The following CDH12 variants were observed in gnomAD, a reference collection of about 807,000 sequenced individuals.
CDH12 encodes cadherin 12.
In CDH12, 41 loss-of-function variants were observed where a neutral mutation model predicts 74.1. That is an observed-to-expected ratio of 0.55 (90% CI 0.43 to 0.72). CDH12 has a LOEUF of 0.72. Among genes scored for constraint, CDH12 ranks in the 30% least tolerant of loss-of-function variants. CDH12 has a pLI of 0.00. For missense variants in CDH12, 945 were observed against 977.2 expected (o/e 0.97, Z 0.44); for synonymous variants, 399 against 355.0 (o/e 1.12, Z -1.39).
chr5:21,864,884 G>C (rs114780054), intron 6 of CDH12, among the ~76,000 whole-genome samples: 6 of 152,250 alleles, frequency 3.9e-5, no homozygotes, highest in East Asian at 1.9e-4. Context: ...GAGCAGTAAG[G>C]GTTGTTCTTA....
intron 1 of CDH12, among the ~76,000 whole-genome samples, chr5:22,810,014 A>G (rs1021857661): frequency 6.6e-6 from 1 of 152,118 alleles, no homozygotes; most frequent in African/African-American, 2.4e-5. Flanking sequence ...TTGAATTAAC[A>G]CCTATGTTGT....
rs1286783390 is a variant in CDH12, at chr5:21,841,100, G to C, written c.814+1061C>G. ...ACAAAATGGGAGAAAATTTTCGCAAGCTACTCATCTGACAAAGGGCTAATA... is the reference window on the plus strand; with the variant it reads ...ACAAAATGGGAGAAAATTTTCGCAACCTACTCATCTGACAAAGGGCTAATA... On this transcript the variant is annotated intron_variant, in intron 8 of 14. Transcript: ENST00000382254. 3.7e-4 allele frequency among the ~76,000 whole-genome samples: 57 copies of C among 152,154 alleles called. 1 individual carries two copies. In the South Asian group the frequency reaches 0.011, roughly 29 times the overall value.
intron 1 of CDH12, among the ~76,000 whole-genome samples, chr5:22,527,640 T>G (rs1737348570): frequency 6.6e-6 from 1 of 152,144 alleles, no homozygotes. Context: ...CTTCACAAAT[T>G]TATTTGTCAA....
At chr5:21,998,039 G>C (rs972289927) in intron 5 of CDH12, among the ~76,000 whole-genome samples, 3 of 152,076 alleles carry the variant, frequency 2.0e-5, no homozygotes, top group African/African-American at 7.2e-5. Context: ...GTCTGGATCA[G>C]ATGGTTTAAG....
intron 4 of CDH12, among the ~76,000 whole-genome samples, chr5:22,122,951 A>G (rs1233240748): frequency 6.6e-6 from 1 of 152,180 alleles, no homozygotes; most frequent in Admixed American, 6.5e-5. Flanking sequence ...AAATATAGCT[A>G]AACCATTGGC....
intron 3 of CDH12, among the ~76,000 whole-genome samples, chr5:22,377,450 C>T (rs573599877): frequency 1.3e-5 from 2 of 152,122 alleles, no homozygotes; most frequent in African/African-American, 4.8e-5. Flanking sequence ...AGGATGGCTT[C>T]CAGCACAGTG....
chr5:22,390,415 A>T (rs1253962195), intron 3 of CDH12, among the ~76,000 whole-genome samples: 1 of 152,144 alleles, frequency 6.6e-6, no homozygotes, highest in African/African-American at 2.4e-5. Context: ...CTTCTTTCAT[A>T]TAAATTTTAA....
chr5:22,224,461 T>A (rs904016361), intron 3 of CDH12, among the ~76,000 whole-genome samples: 1 of 152,070 alleles, frequency 6.6e-6, no homozygotes, highest in Non-Finnish European at 1.5e-5. Context: ...TCCCCCATTG[T>A]TCTGTTCTTT....
chr5:22,034,999 T>C (rs566180159), intron 5 of CDH12, among the ~76,000 whole-genome samples: 1 of 152,180 alleles, frequency 6.6e-6, no homozygotes, highest in Non-Finnish European at 1.5e-5. Flanking sequence ...ATCAACGTTA[T>C]AATGAAATAA....
intron 5 of CDH12, among the ~76,000 whole-genome samples, chr5:22,014,426 T>C (rs1737480152): frequency 6.6e-6 from 1 of 152,142 alleles, no homozygotes; most frequent in Admixed American, 6.5e-5. Context: ...TAAGTATATA[T>C]AAATGTATAC....
chr5:22,359,368 A>C (rs13155822), intron 3 of CDH12, among the ~76,000 whole-genome samples: 66,004 of 151,998 alleles, frequency 0.43, 15,830 homozygotes, highest in Non-Finnish European at 0.54. Flanking sequence ...TCAATTCAAC[A>C]AGAAGAGCTA....
chr5:22,475,401 G>T (rs919700477), intron 2 of CDH12, among the ~76,000 whole-genome samples: 42 of 151,982 alleles, frequency 2.8e-4, no homozygotes, highest in African/African-American at 9.4e-4. Flanking sequence ...TTCTGGGTCT[G>T]TAATTTATAT....
At chr5:21,859,088 C>G (rs1346665751) in intron 6 of CDH12, among the ~76,000 whole-genome samples, 7 of 151,488 alleles carry the variant, frequency 4.6e-5, no homozygotes, top group Non-Finnish European at 1.0e-4. Flanking sequence ...TTTCTCCTGT[C>G]TAACTGAAAT....
At chr5:22,216,538 A>T (rs1182271626) in intron 3 of CDH12, among the ~76,000 whole-genome samples, 1 of 151,948 alleles carries the variant, frequency 6.6e-6, no homozygotes, top group Non-Finnish European at 1.5e-5. Context: ...AAATACATAT[A>T]CATAAACAAG....
chr5:21,909,634 G>T (rs2150062140), intron 6 of CDH12, among the ~76,000 whole-genome samples: 1 of 152,174 alleles, frequency 6.6e-6, no homozygotes, highest in South Asian at 2.1e-4. Context: ...TTTGGGGCCA[G>T]TAATATGCAT....
intron 5 of CDH12, among the ~76,000 whole-genome samples, chr5:22,018,415 T>C (rs1244910961): frequency 1.3e-5 from 2 of 151,696 alleles, no homozygotes; most frequent in Non-Finnish European, 2.9e-5. Flanking sequence ...ACTGGGAAAA[T>C]ATAACTCAAA....
At chr5:21,781,996 G>A (rs2149896700) in intron 11 of CDH12, among the ~76,000 whole-genome samples, 1 of 152,230 alleles carries the variant, frequency 6.6e-6, no homozygotes, top group Admixed American at 6.5e-5. Flanking sequence ...ACAATTTTGT[G>A]GGTAAGAATT....
intron 1 of CDH12, among the ~76,000 whole-genome samples, chr5:22,668,562 C>T (rs1740739282): frequency 6.6e-6 from 1 of 152,090 alleles, no homozygotes; most frequent in Non-Finnish European, 1.5e-5. Context: ...TGAGGTGGTG[C>T]AGGGCATCAT....
At chr5:21,953,674 A>C (rs1363653620) in intron 6 of CDH12, among the ~76,000 whole-genome samples, 6 of 152,284 alleles carry the variant, frequency 3.9e-5, no homozygotes, top group Non-Finnish European at 5.9e-5. Context: ...TTTTGTAGAG[A>C]TGTAGCTTGT....
Sources: allele counts gnomAD v4.1 joint callset (sites outside exome capture counted in the v4.1 genomes callset), GRCh38; gene constraint gnomAD v4.1.1; transcripts MANE v1.5; gene names NCBI Gene and HGNC (gene_info 2026-07-23, HGNC 2026-07-21).